TMEM51: variants seen among roughly 807,000 people sequenced by gnomAD.
TMEM51 encodes transmembrane protein 51, also known as chromosome 1 open reading frame 72.
In TMEM51, 8 loss-of-function variants were observed where a neutral mutation model predicts 13.6. That is an observed-to-expected ratio of 0.59 (90% CI 0.35 to 1.07). The LOEUF is 1.07. TMEM51 is among the 50% of genes least tolerant of loss of function. The pLI, the probability that TMEM51 is intolerant of heterozygous loss-of-function variation, is 0.02. For synonymous variants in TMEM51, 147 were observed against 144.4 expected (o/e 1.02, Z -0.13); for missense variants, 279 against 330.7 (o/e 0.84, Z 1.21).
chr1:15,186,716 G>T (rs1351390618), intron 1 of TMEM51, among the ~76,000 whole-genome samples: 2 of 152,204 alleles, frequency 1.3e-5, no homozygotes, highest in Non-Finnish European at 2.9e-5. Flanking sequence ...TATCCTGCTA[G>T]GCCATAGGGA....
intron 1 of TMEM51, among the ~76,000 whole-genome samples, chr1:15,190,175 C>T (rs1302108627): frequency 6.6e-6 from 1 of 152,190 alleles, no homozygotes; most frequent in African/African-American, 2.4e-5. Flanking sequence ...TCTGGACTCA[C>T]TATCTGTCTC....
chr1:15,193,575 C>CTTTTTTTTTTTTTTTTTTTTTTTTTTTT (rs3078881), intron 1 of TMEM51, among the ~76,000 whole-genome samples: 2 of 114,654 alleles, frequency 1.7e-5, no homozygotes, highest in Admixed American at 8.9e-5. Flanking sequence ...TTCTTTCTTT[C>CTTTTTTTTTTTTTTTTTTTTTTTTTTTT]TTTTTTTTTT....
Position 15,153,912 on chromosome 1 carries a change from C to G in TMEM51, c.-309C>G, listed in dbSNP as rs1351292199. 1 of 152,038 alleles carries G rather than the reference C, an allele frequency of 6.6e-6. No homozygotes were observed. Among genetic ancestry groups the G allele is most frequent in the Non-Finnish European group, 1.5e-5 (1 of 68,010 alleles). The allele number at this position is 152,038 out of a possible 1,614,324, so 9.4% of individuals were successfully genotyped here. ...GCGGGGGTCGCGAAGCCCGCAGTCC[C>G]GGACCGCCCAGCCGAGACGGAGCCG... On this transcript the variant is annotated 5_prime_UTR_variant, in exon 1 of 4. Coordinates refer to ENST00000376008, the MANE Select transcript of TMEM51 (RefSeq NM_001136218.2).
At chr1:15,163,011 T>C (rs567377494) in intron 1 of TMEM51, among the ~76,000 whole-genome samples, 1 of 152,152 alleles carries the variant, frequency 6.6e-6, no homozygotes, top group South Asian at 2.1e-4. Context: ...GATAGTCAAC[T>C]TTATGTTATG....
At chr1:15,181,236 C>T (rs1643606345) in intron 1 of TMEM51, among the ~76,000 whole-genome samples, 1 of 152,154 alleles carries the variant, frequency 6.6e-6, no homozygotes, top group African/African-American at 2.4e-5. Flanking sequence ...TAGAACGGCA[C>T]CCTGAACACT....
At chr1:15,163,417 C>T (rs1642862112) in intron 1 of TMEM51, among the ~76,000 whole-genome samples, 1 of 151,972 alleles carries the variant, frequency 6.6e-6, no homozygotes, top group Non-Finnish European at 1.5e-5. Flanking sequence ...CTTACCCCAA[C>T]TTCAACTGCA....
At chr1:15,171,112 G>GC in intron 1 of TMEM51, 2 of 404,838 alleles carry the variant, frequency 4.9e-6, no homozygotes, top group Non-Finnish European at 7.6e-6. Context: ...TCCACCCCCC[G>GC]CCACATCCCC....
rs187070790 is a variant in TMEM51, at chr1:15,172,920, G to A, written c.-267+18966G>A. Among the ~76,000 whole-genome samples, 91 of 152,216 alleles carry A rather than the reference G, an allele frequency of 6.0e-4. 1 individual carries two copies. Among genetic ancestry groups the A allele is most frequent in the Middle Eastern group, 6.8e-3 (2 of 294 alleles). On this transcript the variant is annotated intron_variant, in intron 1 of 3. Coordinates refer to ENST00000376008, the MANE Select transcript of TMEM51 (RefSeq NM_001136218.2). ...GGTCTGGGTTATCAGATCAGAAAAC[G>A]TCGTCGTTATGTGTAAGGTCGGGTG... is the stretch of plus-strand genomic sequence containing the variant.
At chr1:15,203,399 C>T (rs774065395) in intron 1 of TMEM51, among the ~76,000 whole-genome samples, 1 of 151,690 alleles carries the variant, frequency 6.6e-6, no homozygotes, top group African/African-American at 2.4e-5. Context: ...GGATTACAGG[C>T]GTGCGCCACC....
rs201855817 is a variant in TMEM51, at chr1:15,219,626, C to G, written c.645C>G (p.Asp215Glu). The change falls in exon 4 of 4, where the codon GAC becomes GAG. Residue 215 changes from aspartate (D) to glutamate (E), a missense_variant. Asp to Glu is a conservative substitution (Grantham distance 45, BLOSUM62 2). Coordinates refer to ENST00000376008, the MANE Select transcript of TMEM51 (RefSeq NM_001136218.2). ...AATCTGAAAAGCTTCACCTCAAAGA[C>G]TTTAGGATCAACCTCCCAGACAAAA... is the stretch of plus-strand genomic sequence containing the variant. ...RIKSEKLHLK[D>E]FRINLPDKNV... 6.2e-7 allele frequency: 1 copy of G among 1,614,096 alleles called. No homozygotes were observed. Among genetic ancestry groups the G allele is most frequent in the African/African-American group, 1.3e-5 (1 of 75,056 alleles).
chr1:15,211,691 C>T (rs138278797), intron 2 of TMEM51, among the ~76,000 whole-genome samples: 90 of 152,166 alleles, frequency 5.9e-4, no homozygotes, highest in African/African-American at 2.1e-3. Flanking sequence ...CTCTTAACCA[C>T]TCAGCTATGC....
intron 1 of TMEM51, chr1:15,171,108 C>A: frequency 4.0e-6 from 4 of 992,294 alleles, no homozygotes; most frequent in Admixed American, 2.4e-5. Flanking sequence ...CTCCTCCACC[C>A]CCCGCCACAT....
At position 15,161,937 on chromosome 1, in the gene TMEM51, G is replaced by A. The variant is rs542632925; in HGVS notation, c.-267+7983G>A. ...AGCAAGACTCCATCTCAAAAAAAGAGAGAAAGAGGTTTATTTAGCCCATGG... is the reference window on the plus strand; with the variant it reads ...AGCAAGACTCCATCTCAAAAAAAGAAAGAAAGAGGTTTATTTAGCCCATGG... On this transcript the variant is annotated intron_variant, in intron 1 of 3. Coordinates refer to ENST00000376008, the MANE Select transcript of TMEM51 (RefSeq NM_001136218.2). The surrounding 1 kb of genome is among the most constrained non-coding windows in gnomAD (Gnocchi z 4.0). 1.3e-5 allele frequency among the ~76,000 whole-genome samples: 2 copies of A among 152,078 alleles called. No individual in the cohort carries two copies. Among genetic ancestry groups the A allele is most frequent in the South Asian group, 4.2e-4 (2 of 4,814 alleles).
chr1:15,183,016 A>C (rs1214816149), intron 1 of TMEM51, among the ~76,000 whole-genome samples: 1 of 152,176 alleles, frequency 6.6e-6, no homozygotes, highest in Non-Finnish European at 1.5e-5. Context: ...TCCCGCCTCA[A>C]CCTTCCAAAG....
chr1:15,175,400 C>G (rs1406153302), intron 1 of TMEM51, among the ~76,000 whole-genome samples: 1 of 152,102 alleles, frequency 6.6e-6, no homozygotes, highest in African/African-American at 2.4e-5. Context: ...AACTCCATCT[C>G]AACAAATAAA....
chr1:15,187,609 C>G (rs984955059), intron 1 of TMEM51, among the ~76,000 whole-genome samples: 1 of 152,210 alleles, frequency 6.6e-6, no homozygotes, highest in Admixed American at 6.5e-5. Flanking sequence ...TTGACAATAA[C>G]GTTTTCAAGG....
At chr1:15,159,209 T>C (rs1642688124) in intron 1 of TMEM51, among the ~76,000 whole-genome samples, 1 of 152,194 alleles carries the variant, frequency 6.6e-6, no homozygotes, top group Non-Finnish European at 1.5e-5. Flanking sequence ...TGGAAGCCAT[T>C]GTTCGTCTAG....
intron 1 of TMEM51, chr1:15,192,318 G>A (rs1005414957): frequency 2.7e-6 from 1 of 364,698 alleles, no homozygotes; most frequent in Admixed American, 3.4e-5. Context: ...CTTGAAAGTG[G>A]AATATCTTCA....
chr1:15,166,909 T>C (rs547008582), intron 1 of TMEM51, among the ~76,000 whole-genome samples: 31 of 152,230 alleles, frequency 2.0e-4, no homozygotes, highest in Non-Finnish European at 4.1e-4. Flanking sequence ...GTCTTTCCTG[T>C]CTCCACCCCC....
Sources: allele counts gnomAD v4.1 joint callset (sites outside exome capture counted in the v4.1 genomes callset), GRCh38; gene constraint gnomAD v4.1.1; non-coding constraint Gnocchi (gnomAD v3.1); transcripts MANE v1.5; gene names NCBI Gene and HGNC (gene_info 2026-07-23, HGNC 2026-07-21).